PHGDH: variants seen among roughly 807,000 people sequenced by gnomAD.
The protein encoded by PHGDH is phosphoglycerate dehydrogenase.
In PHGDH, 50 loss-of-function variants were observed where a neutral mutation model predicts 52.6. The observed-to-expected ratio is 0.95, with a 90% confidence interval of 0.76 to 1.20. The LOEUF (loss-of-function observed/expected upper bound fraction) is 1.20. Among genes scored for constraint, PHGDH ranks in the 50% most tolerant of loss-of-function variants. The pLI, the probability that PHGDH is intolerant of heterozygous loss-of-function variation, is 0.00. For missense variants in PHGDH, 630 were observed against 684.6 expected, an observed-to-expected ratio of 0.92 and a Z score of 0.89; for synonymous variants, 271 against 280.5, an observed-to-expected ratio of 0.97 and a Z score of 0.34.
chr1:119,739,581 A>G (rs1652095651), intron 8 of PHGDH: 1 of 152,266 alleles, frequency 6.6e-6, no homozygotes, highest in Non-Finnish European at 1.5e-5. Context: ...AAAGAGAAGC[A>G]TCTGTGTTTC....
chr1:119,734,781 A>C lies in PHGDH; in HGVS notation c.643+15A>C. On this transcript the variant is annotated intron_variant, in intron 6 of 11. Transcript: ENST00000641023. ...CTCCACGACAGGTAGGTGTGTCCTTACATTGTGGATTGGTCACAGAAGCCA... is the reference window on the plus strand; with the variant it reads ...CTCCACGACAGGTAGGTGTGTCCTTCCATTGTGGATTGGTCACAGAAGCCA... 1 of 1,613,794 alleles carries C rather than the reference A, an allele frequency of 6.2e-7. No homozygotes were observed. Among genetic ancestry groups the C allele is most frequent in the Non-Finnish European group, 8.5e-7 (1 of 1,179,862 alleles).
At chr1:119,729,455 GGCTCCT>G (rs1273584646) in intron 5 of PHGDH, 1 of 152,246 alleles carries the variant, frequency 6.6e-6, no homozygotes, top group African/African-American at 2.4e-5. Context: ...GCCGTTCCAA[GGCTCCT>G]GCCCCCTTCC....
intron 5 of PHGDH, among the ~76,000 whole-genome samples, chr1:119,728,639 C>G (rs1329212772): frequency 1.3e-5 from 2 of 152,126 alleles, no homozygotes; most frequent in Non-Finnish European, 2.9e-5. Flanking sequence ...TTGGGCTAAT[C>G]CAGGAGACCT....
rs117525660 is a variant in PHGDH, at chr1:119,743,582, C to T, written c.1448-304C>T. Among the ~76,000 whole-genome samples, 75 of 152,346 alleles carry T rather than the reference C, an allele frequency of 4.9e-4. 1 individual carries two copies. In the East Asian group the frequency reaches 0.014, roughly 29 times the overall value. On this transcript the variant is annotated intron_variant, in intron 11 of 11. Coordinates refer to ENST00000641023, the MANE Select transcript of PHGDH (RefSeq NM_006623.4). ...CAAACCCTGAAGGGCCTAATTTCAC[C>T]ATTCTTTCTGGCTGCCCAAGGGAAC...
chr1:119,721,968 G>A (rs935464005), intron 2 of PHGDH, among the ~76,000 whole-genome samples: 1 of 152,226 alleles, frequency 6.6e-6, no homozygotes, highest in Non-Finnish European at 1.5e-5. Flanking sequence ...CACTTAGATG[G>A]TATGGCAAGG....
chr1:119,737,792 C>T (rs1652011840), intron 8 of PHGDH, among the ~76,000 whole-genome samples: 1 of 152,230 alleles, frequency 6.6e-6, no homozygotes, highest in African/African-American at 2.4e-5. Context: ...GTCTTTGCTT[C>T]CATCAAGCCC....
chr1:119,735,247 G>A, intron 6 of PHGDH, 48 bp from the exon 7 acceptor site: 1 of 1,612,756 alleles, frequency 6.2e-7, no homozygotes, highest in Middle Eastern at 1.6e-4. Context: ...GGATGAGCGT[G>A]GGGATCCTGG....
intron 1 of PHGDH, chr1:119,720,275 T>C (rs587717163): frequency 6.6e-6 from 1 of 152,328 alleles, no homozygotes; most frequent in East Asian, 1.9e-4. Flanking sequence ...TATGTATATT[T>C]TTAGTCTAAT....
intron 10 of PHGDH, chr1:119,742,559 C>A: frequency 3.3e-6 from 2 of 599,260 alleles, no homozygotes; most frequent in Non-Finnish European, 6.0e-6. Flanking sequence ...CTGTTTTCCT[C>A]CAAGCCTTCG....
intron 2 of PHGDH, 33 bp downstream of exon 2, chr1:119,721,354 TA>T (rs1254296738): frequency 6.8e-6 from 11 of 1,607,930 alleles, no homozygotes; most frequent in Non-Finnish European, 9.4e-6. Context: ...GGTTTGGGGG[TA>T]GGGGGGTGAG....
chr1:119,737,345 C>A, intron 8 of PHGDH, 79 bp downstream of exon 8: 1 of 1,247,420 alleles, frequency 8.0e-7, no homozygotes, highest in Non-Finnish European at 1.2e-6. Flanking sequence ...GGGCTGGTGG[C>A]AGCGTGGGTG....
intron 6 of PHGDH, 98 bp from the exon 7 acceptor site, chr1:119,735,197 A>G (rs970836932): frequency 6.6e-7 from 1 of 1,510,904 alleles, no homozygotes; most frequent in African/African-American, 1.4e-5. Flanking sequence ...GGCTCTGGGA[A>G]AGAGCTGGCT....
chr1:119,743,921 T>C lies in PHGDH; in HGVS notation c.1483T>C (p.Tyr495His). ...LAEAGVRLLSYQTSLVSDGET... is the reference protein window; with the variant it reads ...LAEAGVRLLSHQTSLVSDGET... Reference sequence around the variant, plus strand: ...AGAGGCAGGCGTGCGGCTGCTGTCCTACCAGACTTCACTGGTGTCAGATGG... The same window carrying C: ...AGAGGCAGGCGTGCGGCTGCTGTCCCACCAGACTTCACTGGTGTCAGATGG... Residue 495 changes from tyrosine (Y) to histidine (H), a missense_variant, in exon 12 of 12, where the codon TAC (tyrosine) becomes CAC (histidine). Physicochemically the swap from Tyr to His is moderately conservative, Grantham distance 83. Coordinates refer to ENST00000641023, the MANE Select transcript of PHGDH (RefSeq NM_006623.4). 6.2e-7 allele frequency: 1 copy of C among 1,613,960 alleles called. No homozygotes were observed.
chr1:119,742,676 T>A (rs587716538), intron 10 of PHGDH, 131 bp from the exon 11 acceptor site: 1 of 706,878 alleles, frequency 1.4e-6, no homozygotes, highest in African/African-American at 1.7e-5. Flanking sequence ...CTCTCCCTTC[T>A]GGTCCTGAAT....
At chr1:119,735,491 G>A (rs751149492) in intron 7 of PHGDH, 48 bp downstream of exon 7, 28 of 1,574,926 alleles carry the variant, frequency 1.8e-5, no homozygotes, top group Non-Finnish European at 2.3e-5. Flanking sequence ...GAGATAGGGA[G>A]CAGAGAGGCC....
At chr1:119,724,955 A>T (rs1157373809) in intron 3 of PHGDH, 1 of 429,998 alleles carries the variant, frequency 2.3e-6, no homozygotes, top group African/African-American at 2.8e-5. Flanking sequence ...AGCAGGGAGG[A>T]CGGTAGGAGA....
chr1:119,743,801 G>T (rs1458219144), intron 11 of PHGDH, 85 bp from the exon 12 acceptor site: 3 of 1,045,342 alleles, frequency 2.9e-6, no homozygotes, highest in Non-Finnish European at 4.5e-6. Context: ...GATCACAAAA[G>T]CTTTGAACTT....
chr1:119,737,160 G>C lies in PHGDH; in HGVS notation c.839G>C (p.Ser280Thr). 6.2e-7 allele frequency: 1 copy of C among 1,614,196 alleles called. No individual in the cohort carries two copies. The highest frequency in any genetic ancestry group is 8.5e-7 in the Non-Finnish European group (1 of 1,179,996). ...RALVDHENVISCPHLGASTKE... is the reference protein window; with the variant it reads ...RALVDHENVITCPHLGASTKE... ...TTGGTGGACCATGAGAATGTCATCAGCTGTCCCCACCTGGGTGCCAGCACC... is the reference window on the plus strand; with the variant it reads ...TTGGTGGACCATGAGAATGTCATCACCTGTCCCCACCTGGGTGCCAGCACC... Residue 280 changes from serine to threonine, a missense_variant, in exon 8 of 12, where the codon AGC (serine) becomes ACC (threonine). Transcript: ENST00000641023.
In PHGDH at chr1:119,740,536, C is replaced by T. The variant is rs587594610; in HGVS notation, c.1078+18C>T. 4 of 1,551,758 alleles carry T rather than the reference C, an allele frequency of 2.6e-6. No individual in the cohort carries two copies. Among genetic ancestry groups the T allele is most frequent in the East Asian group, 4.8e-5 (2 of 41,424 alleles). ...AACACAGGGTGAGCTGGGGACCTTG[C>T]AGAGGGAGGGGGAGGAGGGGATGAG... On this transcript the variant is annotated intron_variant, in intron 9 of 11. Transcript: ENST00000641023.
Sources: allele counts gnomAD v4.1 joint callset (sites outside exome capture counted in the v4.1 genomes callset), GRCh38; gene constraint gnomAD v4.1.1; transcripts MANE v1.5; gene names NCBI Gene and HGNC (gene_info 2026-07-23, HGNC 2026-07-21).